RNF130: variants seen among roughly 807,000 people sequenced by gnomAD.
The protein encoded by RNF130 is ring finger protein 130.
RNF130 carries 21 observed loss-of-function variants against 44.6 expected under a neutral mutation model. The ratio of observed to expected loss-of-function variants is 0.47; its 90% confidence interval spans 0.33 to 0.68. RNF130 has a LOEUF of 0.68. Ranked by LOEUF, RNF130 falls within the 30% of genes least tolerant of loss-of-function variation. The pLI is 0.02. For missense variants in RNF130, 479 were observed against 560.6 expected (o/e 0.85, Z 1.47); for synonymous variants, 214 against 210.4 (o/e 1.02, Z -0.15).
intron 2 of RNF130, among the ~76,000 whole-genome samples, chr5:180,016,151 T>A (rs962043370): frequency 1.2e-4 from 18 of 151,370 alleles, no homozygotes; most frequent in African/African-American, 4.1e-4. Context: ...CGCCACCAAC[T>A]TGCAAAGGAC....
intron 7 of RNF130, among the ~76,000 whole-genome samples, chr5:179,946,468 G>C (rs956470064): frequency 6.6e-6 from 1 of 151,922 alleles, no homozygotes; most frequent in African/African-American, 2.4e-5. Flanking sequence ...AAAGAAACAA[G>C]AGTAAAGAAA....
chr5:179,967,947 C>T (rs1468421235), intron 6 of RNF130, among the ~76,000 whole-genome samples: 1 of 152,252 alleles, frequency 6.6e-6, no homozygotes, highest in Admixed American at 6.5e-5. Context: ...ACCTGCAATA[C>T]ATTTTAGGAG....
chr5:180,007,115 T>C (rs964311030), intron 3 of RNF130, among the ~76,000 whole-genome samples: 1 of 152,160 alleles, frequency 6.6e-6, no homozygotes, highest in Admixed American at 6.5e-5. Context: ...TAACAGTTTG[T>C]GGGGGCCAGG....
rs560908834 is a variant in RNF130 at position 180,063,087 on chromosome 5, A to C, written c.247+8369T>G. On this transcript the variant is annotated intron_variant, in intron 1 of 8. Coordinates refer to ENST00000521389, the MANE Select transcript of RNF130 (RefSeq NM_018434.6). ...AGGTAGTGAACACCTCATACTGCACAGAGACTTCTGATGTCCGTTCTAAGG... is the reference window on the plus strand; with the variant it reads ...AGGTAGTGAACACCTCATACTGCACCGAGACTTCTGATGTCCGTTCTAAGG... Among the ~76,000 whole-genome samples the C allele has an allele frequency of 2.0e-5, 3 of 152,322 alleles. No individual in the cohort carries two copies. In the East Asian group the frequency reaches 5.8e-4, roughly 29 times the overall value.
chr5:179,948,398 A>G (rs527620381), intron 7 of RNF130, among the ~76,000 whole-genome samples: 2 of 152,172 alleles, frequency 1.3e-5, no homozygotes, highest in South Asian at 4.2e-4. Flanking sequence ...GGCCTGGTGC[A>G]TTGGCTCATG....
At chr5:180,017,419 G>C (rs971826706) in intron 2 of RNF130, among the ~76,000 whole-genome samples, 16 of 152,098 alleles carry the variant, frequency 1.1e-4, no homozygotes, top group Admixed American at 1.0e-3. Context: ...CAATCTGTGG[G>C]CTGATACTTC....
chr5:180,028,414 C>T (rs539047941), intron 2 of RNF130, among the ~76,000 whole-genome samples: 12 of 152,214 alleles, frequency 7.9e-5, no homozygotes, highest in African/African-American at 2.6e-4. Context: ...CATTTCCTTC[C>T]GACTCCCTCT....
intron 3 of RNF130, among the ~76,000 whole-genome samples, chr5:179,997,290 C>T (rs1167713989): frequency 6.6e-6 from 1 of 151,908 alleles, no homozygotes; most frequent in Non-Finnish European, 1.5e-5. Flanking sequence ...TACAGGTGCA[C>T]ACCAACACGC....
intron 1 of RNF130, among the ~76,000 whole-genome samples, chr5:180,057,068 C>G (rs1012854675): frequency 6.6e-6 from 1 of 152,226 alleles, no homozygotes; most frequent in Non-Finnish European, 1.5e-5. Context: ...AAATAAGCCC[C>G]TTTCAACCAT....
chr5:179,953,740 CA>C (rs146722727), downstream of RNF130, among the ~76,000 whole-genome samples: 2,532 of 152,118 alleles, frequency 0.017, 72 homozygotes, highest in African/African-American at 0.056. Flanking sequence ...TACAATCAAC[CA>C]AAGGAAAAAT....
chr5:180,054,203 G>A (rs1034491338), intron 1 of RNF130, among the ~76,000 whole-genome samples: 1 of 152,098 alleles, frequency 6.6e-6, no homozygotes, highest in Non-Finnish European at 1.5e-5. Context: ...CATTCATGCT[G>A]GTTTCTTCAA....
intron 1 of RNF130, among the ~76,000 whole-genome samples, chr5:180,046,346 G>A (rs12153541): frequency 0.67 from 102,315 of 152,042 alleles, 34,758 homozygotes; most frequent in African/African-American, 0.76. Flanking sequence ...ACCAAGGCGA[G>A]GAGGCACCGA....
At chr5:179,967,906 T>C (rs1311189500) in intron 6 of RNF130, among the ~76,000 whole-genome samples, 3 of 152,270 alleles carry the variant, frequency 2.0e-5, no homozygotes, top group Admixed American at 2.0e-4. Context: ...GAGGTTTTTT[T>C]ATGTTCATTA....
rs76013390 is a variant in RNF130, at chr5:180,036,057, A to G, written c.442+4396T>C. On this transcript the variant is annotated intron_variant, in intron 2 of 8. Transcript: ENST00000521389. The stretch of plus-strand genomic sequence containing the variant: ...TTTCTATAGACTTTTGTTTTCCTGA[A>G]TATGAGTCAAACATCTCTATATTTT... 8.5e-3 allele frequency among the ~76,000 whole-genome samples: 1,288 copies of G among 152,344 alleles called. 26 individuals are homozygous for G. The highest frequency in any genetic ancestry group is 0.03 in the African/African-American group (1,238 of 41,584).
chr5:179,988,413 C>G (rs1763002430), intron 3 of RNF130, among the ~76,000 whole-genome samples: 1 of 152,022 alleles, frequency 6.6e-6, no homozygotes, highest in Non-Finnish European at 1.5e-5. Flanking sequence ...CTATGCTGAT[C>G]TTTATTATTT....
chr5:180,026,844 G>A (rs559813246), intron 2 of RNF130, among the ~76,000 whole-genome samples: 7 of 152,242 alleles, frequency 4.6e-5, no homozygotes, highest in South Asian at 4.1e-4. Context: ...GCAGAGAACC[G>A]AAAGACATGA....
At chr5:179,944,529 T>C (rs1762011278) in intron 7 of RNF130, among the ~76,000 whole-genome samples, 1 of 152,090 alleles carries the variant, frequency 6.6e-6, no homozygotes, top group African/African-American at 2.4e-5. Flanking sequence ...AGTGCCACAA[T>C]CTTGGCTCAC....
intron 7 of RNF130, among the ~76,000 whole-genome samples, chr5:179,946,628 A>G (rs1762044442): frequency 6.8e-6 from 1 of 147,736 alleles, no homozygotes; most frequent in East Asian, 2.0e-4. Flanking sequence ...ATCTTGGCTC[A>G]CTGCAAGCTC....
rs531771606 is a variant in RNF130 at position 180,051,459 on chromosome 5, G to T, written c.248-10812C>A. Among the ~76,000 whole-genome samples the T allele has an allele frequency of 2.0e-5, 3 of 151,802 alleles. No homozygotes were observed. In the East Asian group the frequency reaches 5.9e-4, roughly 30 times the overall value. On this transcript the variant is annotated intron_variant, in intron 1 of 8. Transcript: ENST00000521389. The stretch of plus-strand genomic sequence containing the variant: ...AGAGACGGGGTTTCACCATGGTCTC[G>T]ATCTCCTGACCTTGTGATCTGCTTG...
Sources: allele counts gnomAD v4.1 joint callset (sites outside exome capture counted in the v4.1 genomes callset), GRCh38; gene constraint gnomAD v4.1.1; transcripts MANE v1.5; gene names NCBI Gene and HGNC (gene_info 2026-07-23, HGNC 2026-07-21).